The following TIAM1 variants were observed in gnomAD, a reference collection of about 807,000 sequenced individuals.
TIAM1 encodes the protein TIAM Rac1 associated GEF 1, also known as rho guanine nucleotide exchange factor TIAM1.
Under a neutral mutation model 163.5 loss-of-function variants are expected in TIAM1, and 65 were observed. The observed-to-expected ratio is 0.40, with a 90% CI of 0.33 to 0.49. The LOEUF is 0.49. Among genes scored for constraint, TIAM1 ranks in the 20% least tolerant of loss-of-function variants. The pLI, the probability that TIAM1 is intolerant of heterozygous loss-of-function variation, is 0.77. For synonymous variants in TIAM1, 833 were observed against 810.1 expected, an observed-to-expected ratio of 1.03 and a Z score of -0.48; for missense variants, 1,789 against 2,044.7, an observed-to-expected ratio of 0.87 and a Z score of 2.41.
chr21:31,552,647 G>A (rs1231206721), intron 1 of TIAM1, among the ~76,000 whole-genome samples: 8 of 152,212 alleles, frequency 5.3e-5, no homozygotes, highest in South Asian at 2.1e-4. Flanking sequence ...GGTGGTAGGC[G>A]CCTGTACAGC....
intron 2 of TIAM1, among the ~76,000 whole-genome samples, chr21:31,332,748 A>T (rs2075716664): frequency 6.6e-6 from 1 of 151,722 alleles, no homozygotes; most frequent in Non-Finnish European, 1.5e-5. Context: ...CCACACTCAC[A>T]TTCACACTAT....
intron 2 of TIAM1, among the ~76,000 whole-genome samples, chr21:31,417,733 G>A (rs1369498411): frequency 6.6e-6 from 1 of 152,188 alleles, no homozygotes; most frequent in Non-Finnish European, 1.5e-5. Flanking sequence ...CACTCTACCT[G>A]TGCAGTCAGG....
intron 2 of TIAM1, among the ~76,000 whole-genome samples, chr21:31,390,618 C>T (rs1452939015): frequency 6.6e-6 from 1 of 152,126 alleles, no homozygotes; most frequent in East Asian, 1.9e-4. Context: ...AACCATGATC[C>T]GTGCAACCAA....
chr21:31,489,367 GGAGAGGAGGAGGAGGAGGAGGA>G, intron 1 of TIAM1, among the ~76,000 whole-genome samples: 2 of 111,088 alleles, frequency 1.8e-5, no homozygotes, highest in African/African-American at 3.6e-5. Flanking sequence ...AGGTTGGGGG[GGAGAGGAGGAGGAGGAGGAGGA>G]GAGGGAGGGG....
At chr21:31,449,959 G>A (rs1310302883) in intron 2 of TIAM1, among the ~76,000 whole-genome samples, 2 of 152,162 alleles carry the variant, frequency 1.3e-5, no homozygotes, top group African/African-American at 4.8e-5. Context: ...GAGGGGCCTG[G>A]GGGACTTCCT....
rs569079392 is a variant in TIAM1 at position 31,229,030 on chromosome 21, C to T, written c.1585-3080G>A. 1.3e-3 allele frequency among the ~76,000 whole-genome samples: 193 copies of T among 152,240 alleles called. 2 individuals carry two copies. The highest frequency in any genetic ancestry group is 8.2e-4 in the African/African-American group (34 of 41,540). On this transcript the variant is annotated intron_variant, in intron 6 of 27. Coordinates refer to ENST00000541036, the MANE Select transcript of TIAM1 (RefSeq NM_001353694.2). ...ATTACCTTCCAATGGGTCCCTCCCA[C>T]GACAAGTGGGGATTATGGGAACTAC...
intron 1 of TIAM1, among the ~76,000 whole-genome samples, chr21:31,465,999 C>A (rs1216736689): frequency 6.6e-6 from 1 of 152,250 alleles, no homozygotes; most frequent in Non-Finnish European, 1.5e-5. Context: ...AGCCACGGCG[C>A]CCGGCCTTCT....
chr21:31,165,877 A>G (rs981725208), intron 15 of TIAM1, among the ~76,000 whole-genome samples: 5 of 152,244 alleles, frequency 3.3e-5, no homozygotes, highest in African/African-American at 1.2e-4. Context: ...CTGGCAAACT[A>G]TAAACATCTT....
intron 1 of TIAM1, among the ~76,000 whole-genome samples, chr21:31,481,625 G>A (rs1159876181): frequency 1.3e-5 from 2 of 152,052 alleles, no homozygotes; most frequent in Admixed American, 1.3e-4. Context: ...CAGAACTCAG[G>A]AAAACACCTG....
chr21:31,420,398 C>T (rs774397050), intron 2 of TIAM1, among the ~76,000 whole-genome samples: 55 of 152,306 alleles, frequency 3.6e-4, no homozygotes, highest in Admixed American at 1.4e-3. Flanking sequence ...ACAGAAATTC[C>T]AGGAACTAAT....
chr21:31,553,076 T>C (rs2048747061), intron 1 of TIAM1, among the ~76,000 whole-genome samples: 2 of 152,176 alleles, frequency 1.3e-5, no homozygotes, highest in African/African-American at 4.8e-5. Context: ...CAGTACTAGA[T>C]AGAGTTATTT....
At chr21:31,273,485 G>T (rs993495169) in intron 3 of TIAM1, among the ~76,000 whole-genome samples, 2 of 152,146 alleles carry the variant, frequency 1.3e-5, no homozygotes, top group Non-Finnish European at 2.9e-5. Context: ...ACCCCTGAGT[G>T]GCACAAAAAC....
At chr21:31,310,796 G>T (rs1299032713) in intron 2 of TIAM1, among the ~76,000 whole-genome samples, 1 of 152,196 alleles carries the variant, frequency 6.6e-6, no homozygotes, top group Non-Finnish European at 1.5e-5. Context: ...CTAAAGGAAA[G>T]GTTACACAAT....
intron 2 of TIAM1, among the ~76,000 whole-genome samples, chr21:31,374,549 T>C (rs1396302373): frequency 6.6e-6 from 1 of 152,122 alleles, no homozygotes; most frequent in Admixed American, 6.6e-5. Flanking sequence ...TTGACCTGAA[T>C]CTCAAGGTGG....
chr21:31,246,675 T>C (rs1181980511), intron 5 of TIAM1, among the ~76,000 whole-genome samples: 1 of 152,192 alleles, frequency 6.6e-6, no homozygotes, highest in African/African-American at 2.4e-5. Context: ...CGATTAGTAG[T>C]GTAGAATGAT....
intron 16 of TIAM1, among the ~76,000 whole-genome samples, chr21:31,154,972 G>A (rs996849535): frequency 2.0e-5 from 3 of 152,190 alleles, no homozygotes; most frequent in African/African-American, 7.2e-5. Flanking sequence ...TGGACACTGA[G>A]TCAACTTTCT....
At chr21:31,124,746 G>A in intron 26 of TIAM1, 52 bp from the exon 27 acceptor site, 1 of 1,459,952 alleles carries the variant, frequency 6.8e-7, no homozygotes. Context: ...AACACATGGG[G>A]AACTTCTAAG....
intron 12 of TIAM1, among the ~76,000 whole-genome samples, chr21:31,198,906 T>C (rs1050209804): frequency 3.3e-5 from 5 of 152,172 alleles, no homozygotes; most frequent in Admixed American, 3.3e-4. Context: ...CCAGGTTTAG[T>C]GAACAAAACT....
At chr21:31,304,865 G>A (rs927466586) in intron 2 of TIAM1, among the ~76,000 whole-genome samples, 2 of 152,064 alleles carry the variant, frequency 1.3e-5, no homozygotes, top group Non-Finnish European at 2.9e-5. Flanking sequence ...GCTAGTTTTT[G>A]TATTTTTAGT....
Sources: allele counts gnomAD v4.1 joint callset (sites outside exome capture counted in the v4.1 genomes callset), GRCh38; gene constraint gnomAD v4.1.1; transcripts MANE v1.5; gene names NCBI Gene and HGNC (gene_info 2026-07-23, HGNC 2026-07-21).